Variants in MREG observed in about 807,000 individuals in gnomAD.
MREG encodes dilute suppressor protein homolog.
MREG carries 31 observed loss-of-function variants against 28.5 expected under a neutral mutation model. That is an observed-to-expected ratio of 1.09 (90% CI 0.82 to 1.47). MREG has a LOEUF of 1.47. Ranked by LOEUF, MREG falls within the 40% of genes most tolerant of loss-of-function variation. MREG has a pLI of 0.00. For synonymous variants in MREG, 106 were observed against 95.2 expected, an observed-to-expected ratio of 1.11 and a Z score of -0.66; for missense variants, 256 against 257.4, an observed-to-expected ratio of 0.99 and a Z score of 0.04.
At chr2:216,008,112 C>T (rs1284666093) in intron 1 of MREG, among the ~76,000 whole-genome samples, 3 of 151,944 alleles carry the variant, frequency 2.0e-5, no homozygotes, top group Non-Finnish European at 4.4e-5. Context: ...CTTCATAGGG[C>T]TATGGTGGGG....
intron 2 of MREG, among the ~76,000 whole-genome samples, chr2:215,979,484 ATAAT>A (rs1559184994): frequency 2.1e-5 from 3 of 146,130 alleles, no homozygotes; most frequent in African/African-American, 7.6e-5. Flanking sequence ...AATAATAATA[ATAAT>A]AATAATAATA....
At chr2:216,031,665 A>AACAAAGAAAGAAAGAAAGAAAGAAAG (rs1694705941) in intron 1 of MREG, among the ~76,000 whole-genome samples, 3 of 84,862 alleles carry the variant, frequency 3.5e-5, no homozygotes, top group Non-Finnish European at 7.5e-5. Context: ...GAAAGAAAGA[A>AACAAAGAAAGAAAGAAAGAAAGAAAG]AGAAAGAAAG....
At chr2:216,024,594 C>T (rs1468220209) in intron 1 of MREG, among the ~76,000 whole-genome samples, 3 of 152,060 alleles carry the variant, frequency 2.0e-5, no homozygotes, top group Non-Finnish European at 4.4e-5. Context: ...AATATATTGG[C>T]TGGGTGTGGT....
intron 1 of MREG, among the ~76,000 whole-genome samples, chr2:216,007,735 T>C (rs1057082591): frequency 1.1e-5 from 1 of 93,686 alleles, no homozygotes; most frequent in African/African-American, 3.9e-5. Flanking sequence ...CAACCCCCAC[T>C]TAGCGGCTTT....
chr2:215,957,724 T>C (rs901687522), intron 2 of MREG, among the ~76,000 whole-genome samples: 4 of 152,044 alleles, frequency 2.6e-5, no homozygotes, highest in Admixed American at 6.6e-5. Flanking sequence ...TCCCACTTCC[T>C]TCCCCCAGCT....
intron 4 of MREG, 110 bp from the exon 5 acceptor site, chr2:215,945,107 G>A: frequency 1.8e-6 from 2 of 1,098,388 alleles, no homozygotes; most frequent in Non-Finnish European, 2.5e-6. Context: ...AAATGACAAT[G>A]AGCAAGTAAG....
intron 2 of MREG, among the ~76,000 whole-genome samples, chr2:215,982,411 T>A (rs1186917261): frequency 6.6e-6 from 1 of 151,972 alleles, no homozygotes; most frequent in African/African-American, 2.4e-5. Context: ...ATATATTTTT[T>A]AAAAAGGAGA....
chr2:215,947,235 TA>T (rs1388601432), intron 2 of MREG, 122 bp from the exon 3 acceptor site: 1 of 634,756 alleles, frequency 1.6e-6, no homozygotes, highest in Non-Finnish European at 2.8e-6. Flanking sequence ...AAAGCAAGCC[TA>T]AAAGAAGAGA....
At chr2:216,003,185 C>A (rs148927413) in intron 1 of MREG, among the ~76,000 whole-genome samples, 1 of 152,046 alleles carries the variant, frequency 6.6e-6, no homozygotes, top group African/African-American at 2.4e-5. Context: ...TTCCTCAGCA[C>A]TCGCCACCTA....
At chr2:216,005,835 A>G (rs894709767) in intron 1 of MREG, among the ~76,000 whole-genome samples, 11 of 105,126 alleles carry the variant, frequency 1.0e-4, no homozygotes, top group Non-Finnish European at 1.9e-4. Flanking sequence ...TTTTTAAAAG[A>G]TTTTTGTAAA....
At chr2:216,016,120 T>C (rs1694445973), upstream of MREG, among the ~76,000 whole-genome samples, 1 of 152,120 alleles carries the variant, frequency 6.6e-6, no homozygotes, top group Non-Finnish European at 1.5e-5. Flanking sequence ...AGACAGGATA[T>C]GGACCCATCA....
intron 2 of MREG, among the ~76,000 whole-genome samples, chr2:215,972,506 G>A (rs1693128528): frequency 6.6e-6 from 1 of 151,830 alleles, no homozygotes; most frequent in Non-Finnish European, 1.5e-5. Context: ...AGCCAGGCCT[G>A]GTGGTGCTTG....
At chr2:216,019,758 G>A (rs537001071) in intron 1 of MREG, among the ~76,000 whole-genome samples, 2 of 152,178 alleles carry the variant, frequency 1.3e-5, no homozygotes, top group South Asian at 2.1e-4. Context: ...GCCCGCCTAG[G>A]CCTCCCAAAG....
upstream of MREG, among the ~76,000 whole-genome samples, chr2:216,015,213 G>A (rs752170392): frequency 2.0e-5 from 3 of 151,954 alleles, no homozygotes; most frequent in African/African-American, 4.8e-5. Flanking sequence ...GTGTGTGTTG[G>A]GTGGAGGGGA....
At chr2:215,949,017 G>A (rs6736095) in intron 2 of MREG, among the ~76,000 whole-genome samples, 80,698 of 148,516 alleles carry the variant, frequency 0.54, 22,261 homozygotes, top group Non-Finnish European at 0.6. Flanking sequence ...AGCCTGGCCA[G>A]CATGGCAAAA....
At chr2:215,971,700 G>A (rs2105990396) in intron 2 of MREG, among the ~76,000 whole-genome samples, 1 of 152,318 alleles carries the variant, frequency 6.6e-6, no homozygotes, top group South Asian at 2.1e-4. Context: ...AAGGAGCAGA[G>A]GTCCTGCCTG....
Position 216,031,606 on chromosome 2 carries a change from A to C in MREG, c.-68+1183T>G, listed in dbSNP as rs1240975983. Among the ~76,000 whole-genome samples, 13 of 150,566 alleles carry C rather than the reference A, an allele frequency of 8.6e-5. 1 individual carries two copies. The highest frequency in any genetic ancestry group is 2.9e-4 in the African/African-American group (12 of 41,034). ...AAGAAGGAAAGAAAAGAAGGAAAGA[A>C]GGAAGAAAAGAAAGAAAGGAACAAG... On this transcript the variant is annotated intron_variant, in intron 1 of 3. Transcript: ENST00000420348.
intron 2 of MREG, among the ~76,000 whole-genome samples, chr2:215,948,571 A>G (rs1190864862): frequency 6.6e-6 from 1 of 152,218 alleles, no homozygotes; most frequent in African/African-American, 2.4e-5. Context: ...AATCCCTCAC[A>G]GACTATATAA....
At chr2:215,948,368 C>T (rs960434260) in intron 2 of MREG, among the ~76,000 whole-genome samples, 1 of 152,188 alleles carries the variant, frequency 6.6e-6, no homozygotes, top group African/African-American at 2.4e-5. Flanking sequence ...CAGGAAGTGG[C>T]AAGTTTGAAC....
Sources: gnomAD v4.1 joint callset for allele counts (sites outside exome capture counted in the v4.1 genomes callset) on GRCh38, gnomAD v4.1.1 for gene constraint, MANE v1.5 for transcripts, NCBI Gene and HGNC (gene_info 2026-07-23, HGNC 2026-07-21) for gene names.